NAV3: variants seen among roughly 807,000 people sequenced by gnomAD.
The protein encoded by NAV3 is pore membrane and/or filament interacting like protein 1.
Under a neutral mutation model 244.7 loss-of-function variants are expected in NAV3, and 87 were observed. That is an observed-to-expected ratio of 0.36 (90% CI 0.30 to 0.42). The LOEUF (loss-of-function observed/expected upper bound fraction) is 0.42. Ranked by LOEUF, NAV3 falls within the 20% of genes least tolerant of loss-of-function variation. The probability of loss-of-function intolerance (pLI) is 1.00; values close to 1 mark genes in which losing one functional copy is unlikely to be tolerated. For synonymous variants in NAV3, 1,126 were observed against 1,042.2 expected, an observed-to-expected ratio of 1.08 and a Z score of -1.55; for missense variants, 2,663 against 2,893.3, an observed-to-expected ratio of 0.92 and a Z score of 1.83.
intron 15 of NAV3, among the ~76,000 whole-genome samples, 174 bp from the exon 16 acceptor site, chr12:78,121,766 T>C (rs537615412): frequency 6.6e-6 from 1 of 152,178 alleles, no homozygotes. Flanking sequence ...TGAGAGATTT[T>C]CTGCACTTGA....
At chr12:77,976,133 A>C (rs1186632137) in intron 5 of NAV3, among the ~76,000 whole-genome samples, 1 of 152,180 alleles carries the variant, frequency 6.6e-6, no homozygotes, top group Admixed American at 6.5e-5. Flanking sequence ...AAATGAAGAA[A>C]AAAATATGAG....
Position 78,021,651 on chromosome 12 carries a change from A to C in NAV3, c.1908-96A>C. Reference sequence around the variant, plus strand: ...CATAAAGAAATACTTACCTTGATGGAAAATTTGTAATTAATATTTCTTGTA... The same window carrying C: ...CATAAAGAAATACTTACCTTGATGGCAAATTTGTAATTAATATTTCTTGTA... On this transcript the variant is annotated intron_variant, in intron 8 of 39. Transcript: ENST00000397909. 6.1e-6 allele frequency: 5 copies of C among 817,568 alleles called. No individual in the cohort carries two copies. The South Asian group carries it at 8.1e-5, about 13-fold the overall frequency. The allele number at this position is 817,568 out of a possible 1,614,324, so 50.6% of individuals were successfully genotyped here.
chr12:77,754,833 G>GC (rs1479488120), intron 2 of NAV3, among the ~76,000 whole-genome samples: 1 of 152,074 alleles, frequency 6.6e-6, no homozygotes, highest in Non-Finnish European at 1.5e-5. Flanking sequence ...TAGATGTGTT[G>GC]CCAGAGTCAT....
intron 2 of NAV3, among the ~76,000 whole-genome samples, chr12:77,754,073 A>G (rs1252083732): frequency 1.3e-5 from 2 of 152,160 alleles, no homozygotes; most frequent in Non-Finnish European, 2.9e-5. Flanking sequence ...AATTAGGTGT[A>G]TTACTGATGT....
intron 2 of NAV3, among the ~76,000 whole-genome samples, chr12:77,637,698 C>G (rs1407376043): frequency 1.3e-5 from 2 of 152,132 alleles, no homozygotes; most frequent in African/African-American, 2.4e-5. Flanking sequence ...ATTCCAGAGT[C>G]TATGCTAAAT....
chr12:77,980,745 T>G (rs1355647819), intron 5 of NAV3, among the ~76,000 whole-genome samples: 1 of 152,192 alleles, frequency 6.6e-6, no homozygotes, highest in Non-Finnish European at 1.5e-5. Context: ...AGCGTAGTAC[T>G]TTGAGCTATG....
chr12:78,034,547 A>G (rs975107640), intron 9 of NAV3, among the ~76,000 whole-genome samples: 29 of 152,206 alleles, frequency 1.9e-4, no homozygotes, highest in African/African-American at 6.3e-4. Context: ...TTGAATAAGG[A>G]AAGGGCATAA....
At chr12:77,858,163 A>G (rs1592801049) in intron 1 of NAV3, among the ~76,000 whole-genome samples, 1 of 152,106 alleles carries the variant, frequency 6.6e-6, no homozygotes, top group African/African-American at 2.4e-5. Context: ...ATAAAACACA[A>G]TCGCTTATAA....
intron 2 of NAV3, among the ~76,000 whole-genome samples, chr12:77,597,226 A>G (rs2136750020): frequency 6.6e-6 from 1 of 152,164 alleles, no homozygotes; most frequent in South Asian, 2.1e-4. Flanking sequence ...TGTTGCTATA[A>G]GCGTGGCACC....
intron 2 of NAV3, among the ~76,000 whole-genome samples, chr12:77,805,169 T>C (rs1267029183): frequency 6.6e-6 from 1 of 152,222 alleles, no homozygotes; most frequent in East Asian, 1.9e-4. Context: ...TTCTTTCTCT[T>C]GCCTGATTGT....
chr12:78,091,849 T>C (rs2138030678), intron 12 of NAV3: 1 of 151,806 alleles, frequency 6.6e-6, no homozygotes, highest in South Asian at 2.1e-4. Context: ...TTGTGCAATT[T>C]CTCCTTTTCT....
intron 12 of NAV3, among the ~76,000 whole-genome samples, chr12:78,065,129 A>G (rs1437129659): frequency 1.3e-5 from 2 of 152,044 alleles, no homozygotes; most frequent in Non-Finnish European, 1.5e-5. Context: ...AGTTCCTTGA[A>G]GTTTCTCACC....
intron 2 of NAV3, among the ~76,000 whole-genome samples, chr12:77,813,771 A>C (rs1872407451): frequency 1.3e-5 from 2 of 152,244 alleles, no homozygotes; most frequent in African/African-American, 4.8e-5. Context: ...TATGACTAAT[A>C]GCAAGTACTC....
intron 8 of NAV3, among the ~76,000 whole-genome samples, chr12:78,010,468 T>C (rs553471094): frequency 6.6e-6 from 1 of 152,252 alleles, no homozygotes; most frequent in Non-Finnish European, 1.5e-5. Flanking sequence ...TTAAACTTCA[T>C]CATGAACTCA....
intron 3 of NAV3, among the ~76,000 whole-genome samples, chr12:77,963,828 TCC>T (rs1254847407): frequency 6.6e-6 from 1 of 151,570 alleles, no homozygotes; most frequent in East Asian, 1.9e-4. Context: ...TTGTTCTCCT[TCC>T]CCTTCCTTCC....
intron 2 of NAV3, among the ~76,000 whole-genome samples, chr12:77,659,590 C>T (rs1168137364): frequency 6.6e-6 from 1 of 152,118 alleles, no homozygotes; most frequent in Non-Finnish European, 1.5e-5. Flanking sequence ...TACTATTTGA[C>T]CCAGCCATCC....
chr12:77,974,586 T>C (rs1417288606), intron 5 of NAV3, among the ~76,000 whole-genome samples: 1 of 152,054 alleles, frequency 6.6e-6, no homozygotes, highest in Middle Eastern at 3.2e-3. Context: ...GCCTGAGCCA[T>C]CATTCCCAGA....
chr12:77,826,225 G>A (rs73138084), upstream of NAV3, among the ~76,000 whole-genome samples: 1,036 of 152,202 alleles, frequency 6.8e-3, 4 homozygotes, highest in Non-Finnish European at 9.9e-3. Flanking sequence ...AATATTTATA[G>A]GGACAGGCAA....
At chr12:77,878,202 G>A (rs1882109732) in intron 1 of NAV3, among the ~76,000 whole-genome samples, 1 of 152,012 alleles carries the variant, frequency 6.6e-6, no homozygotes. Flanking sequence ...AATGAGATAC[G>A]GAATTAGTTA....
Sources: allele counts gnomAD v4.1 joint callset (sites outside exome capture counted in the v4.1 genomes callset), GRCh38; gene constraint gnomAD v4.1.1; transcripts MANE v1.5; gene names NCBI Gene and HGNC (gene_info 2026-07-23, HGNC 2026-07-21).